Variants in RABGAP1L observed in about 807,000 individuals in gnomAD.
The protein encoded by RABGAP1L is rab GTPase-activating protein 1-like.
Under a neutral mutation model 137.7 loss-of-function variants are expected in RABGAP1L, and 63 were observed. The ratio of observed to expected loss-of-function variants is 0.46; its 90% CI spans 0.37 to 0.56. The LOEUF is 0.56. Among genes scored for constraint, RABGAP1L ranks in the 20% least tolerant of loss-of-function variants. The pLI, the probability that RABGAP1L is intolerant of heterozygous loss-of-function variation, is 0.00. For missense variants in RABGAP1L, 1,095 were observed against 1,244.0 expected (o/e 0.88, Z 1.80); for synonymous variants, 431 against 433.7 (o/e 0.99, Z 0.08).
Position 174,628,417 on chromosome 1 carries a change from T to A in RABGAP1L, c.1711-8958T>A, listed in dbSNP as rs189105027. On this transcript the variant is annotated intron_variant, in intron 13 of 25. Transcript: ENST00000681986. The stretch of plus-strand genomic sequence containing the variant: ...TTAAACAGTTGAATAATGGTTCTTA[T>A]GGAAATGGGAAAAATATTTCTTGTC... Among the ~76,000 whole-genome samples the A allele has an allele frequency of 3.1e-4, 47 of 152,342 alleles. 1 individual carries two copies. The East Asian group carries it at 8.7e-3, about 28-fold the overall frequency.
intron 19 of RABGAP1L, among the ~76,000 whole-genome samples, chr1:174,812,678 G>A (rs1028134293): frequency 2.0e-5 from 3 of 152,156 alleles, no homozygotes; most frequent in Non-Finnish European, 2.9e-5. Context: ...CAGACAATAA[G>A]CAACATAATA....
intron 10 of RABGAP1L, among the ~76,000 whole-genome samples, chr1:174,286,893 A>G (rs1011831315): frequency 6.6e-6 from 1 of 152,152 alleles, no homozygotes; most frequent in Non-Finnish European, 1.5e-5. Context: ...TTGTGGTCAG[A>G]AAAGATACAT....
intron 14 of RABGAP1L, among the ~76,000 whole-genome samples, chr1:174,638,251 C>A (rs151314649): frequency 7.2e-4 from 109 of 152,254 alleles, no homozygotes; most frequent in African/African-American, 2.6e-3. Flanking sequence ...GTAATCAGTT[C>A]CTGAATAATC....
At chr1:174,842,793 G>A (rs770067427) in intron 19 of RABGAP1L, among the ~76,000 whole-genome samples, 5 of 151,980 alleles carry the variant, frequency 3.3e-5, no homozygotes, top group East Asian at 1.9e-4. Flanking sequence ...TTTTTCTCTC[G>A]TCTCTCAACT....
At chr1:174,478,745 A>C (rs1658772563) in intron 13 of RABGAP1L, among the ~76,000 whole-genome samples, 1 of 152,180 alleles carries the variant, frequency 6.6e-6, no homozygotes, top group Non-Finnish European at 1.5e-5. Flanking sequence ...TAAATTAGAG[A>C]CCAATACAAC....
intron 13 of RABGAP1L, chr1:174,545,178 GT>G (rs1346963992): frequency 6.6e-6 from 1 of 152,330 alleles, no homozygotes; most frequent in East Asian, 1.9e-4. Flanking sequence ...GCTGCCGTTT[GT>G]TCAACTATGC....
intron 19 of RABGAP1L, among the ~76,000 whole-genome samples, chr1:174,831,399 G>A (rs1250748343): frequency 6.7e-6 from 1 of 148,184 alleles, no homozygotes; most frequent in African/African-American, 2.5e-5. Context: ...CAGGGTAAAT[G>A]TTGCCCTTTT....
At chr1:174,364,800 CAGT>C (rs1684470745) in intron 11 of RABGAP1L, among the ~76,000 whole-genome samples, 2 of 152,110 alleles carry the variant, frequency 1.3e-5, no homozygotes, top group African/African-American at 4.8e-5. Flanking sequence ...CCATGGGTAT[CAGT>C]GGTGGTTGTT....
chr1:174,327,993 A>ACC (rs1214166466), intron 11 of RABGAP1L, among the ~76,000 whole-genome samples: 2 of 60,496 alleles, frequency 3.3e-5, no homozygotes, highest in East Asian at 1.0e-3. Context: ...ACACATATAT[A>ACC]TATATATATA....
Position 174,826,102 on chromosome 1 carries a change from G to A in RABGAP1L, c.2340+14142G>A, listed in dbSNP as rs190486835. Reference sequence around the variant, plus strand: ...GTTGTTCCCATCTCTATGTCCAGGTGTACTCAATGTTTAGCTCCCACTTAT... The same window carrying A: ...GTTGTTCCCATCTCTATGTCCAGGTATACTCAATGTTTAGCTCCCACTTAT... On this transcript the variant is annotated intron_variant, in intron 19 of 25. Transcript: ENST00000681986. Among the ~76,000 whole-genome samples the A allele has an allele frequency of 3.9e-5, 6 of 152,240 alleles. No individual in the cohort carries two copies. The East Asian group carries it at 5.8e-4, about 15-fold the overall frequency.
intron 20 of RABGAP1L, among the ~76,000 whole-genome samples, chr1:174,963,551 T>A (rs1388329666): frequency 6.6e-6 from 1 of 151,996 alleles, no homozygotes; most frequent in Non-Finnish European, 1.5e-5. Flanking sequence ...AGTTTTCTTT[T>A]CTGTTTAAGT....
At chr1:174,852,203 G>T (rs970065952) in intron 19 of RABGAP1L, among the ~76,000 whole-genome samples, 2 of 152,162 alleles carry the variant, frequency 1.3e-5, no homozygotes, top group African/African-American at 4.8e-5. Flanking sequence ...TATTGGTTAA[G>T]GTTTCTGAAG....
At chr1:174,612,178 T>A (rs1180987738) in intron 13 of RABGAP1L, among the ~76,000 whole-genome samples, 2 of 152,232 alleles carry the variant, frequency 1.3e-5, no homozygotes, top group African/African-American at 4.8e-5. Context: ...TTCAGTATGA[T>A]ATTGGCTGTG....
At chr1:174,377,760 T>TC (rs373857782) in intron 12 of RABGAP1L, among the ~76,000 whole-genome samples, 31,226 of 123,072 alleles carry the variant, frequency 0.25, 3,564 homozygotes, top group South Asian at 0.3. Flanking sequence ...ACTGCAACTC[T>TC]TTTTTTTTTT....
At chr1:174,585,488 C>G (rs978585841) in intron 13 of RABGAP1L, among the ~76,000 whole-genome samples, 1 of 152,158 alleles carries the variant, frequency 6.6e-6, no homozygotes, top group Non-Finnish European at 1.5e-5. Flanking sequence ...GGGTGGGACA[C>G]CAGACTGGTA....
chr1:174,598,198 C>T (rs893671002), intron 13 of RABGAP1L, among the ~76,000 whole-genome samples: 8 of 151,910 alleles, frequency 5.3e-5, no homozygotes, highest in African/African-American at 1.9e-4. Flanking sequence ...CATGTTGGTG[C>T]ATGCCTGTAG....
chr1:174,804,138 G>A (rs1287690524), intron 18 of RABGAP1L, among the ~76,000 whole-genome samples: 1 of 151,990 alleles, frequency 6.6e-6, no homozygotes, highest in Non-Finnish European at 1.5e-5. Context: ...TGGTATCAGT[G>A]GTGGCATGTG....
chr1:174,550,990 A>ATATACATATATATATG (rs1553330253), intron 13 of RABGAP1L, among the ~76,000 whole-genome samples: 2 of 96,312 alleles, frequency 2.1e-5, no homozygotes, highest in African/African-American at 7.4e-5. Context: ...ATACATATAT[A>ATATACATATATATATG]TATATACACA....
intron 13 of RABGAP1L, among the ~76,000 whole-genome samples, chr1:174,470,929 T>G (rs1657848622): frequency 6.6e-6 from 1 of 152,240 alleles, no homozygotes; most frequent in Non-Finnish European, 1.5e-5. Context: ...CTGTGTTTGT[T>G]TCATTTTCTC....
Sources: allele counts gnomAD v4.1 joint callset (sites outside exome capture counted in the v4.1 genomes callset), GRCh38; gene constraint gnomAD v4.1.1; transcripts MANE v1.5; gene names NCBI Gene and HGNC (gene_info 2026-07-23, HGNC 2026-07-21).